The following STK38 variants were observed in gnomAD, a reference collection of about 807,000 sequenced individuals.
STK38 encodes serine/threonine-protein kinase 38.
Under a neutral mutation model 59.0 loss-of-function variants are expected in STK38, and 26 were observed. The observed-to-expected ratio is 0.44, with a 90% CI of 0.32 to 0.61. The LOEUF is 0.61. STK38 is among the 20% of genes least tolerant of loss of function. The pLI, the probability that STK38 is intolerant of heterozygous loss-of-function variation, is 0.04. For missense variants in STK38, 433 were observed against 566.0 expected (o/e 0.76, Z 2.38); for synonymous variants, 175 against 176.6 (o/e 0.99, Z 0.07).
chr6:36,545,924 T>C (rs369863501), intron 1 of STK38, among the ~76,000 whole-genome samples: 3 of 152,232 alleles, frequency 2.0e-5, no homozygotes, highest in Admixed American at 6.5e-5. Flanking sequence ...TCTATATGGT[T>C]ATGCCTGGCT....
chr6:36,535,058 G>C (rs548561738), intron 2 of STK38, among the ~76,000 whole-genome samples: 2 of 152,076 alleles, frequency 1.3e-5, no homozygotes, highest in Non-Finnish European at 2.9e-5. Flanking sequence ...ATAGCATCCA[G>C]AAAACCCCCA....
intron 6 of STK38, 44 bp from the exon 7 acceptor site, chr6:36,515,536 AC>A: frequency 5.6e-6 from 9 of 1,602,572 alleles, no homozygotes; most frequent in Non-Finnish European, 7.6e-6. Flanking sequence ...ACACACACAC[AC>A]ACACACACAC....
chr6:36,524,604 C>T, intron 3 of STK38, 141 bp from the exon 4 acceptor site: 4 of 805,300 alleles, frequency 5.0e-6, no homozygotes, highest in Non-Finnish European at 7.5e-6. Context: ...GAAATCACCC[C>T]AGAAGGATCC....
rs111250330 is a variant in STK38, at chr6:36,547,411, G to C, written c.-227C>G. The C allele has an allele frequency of 1.3e-5, 2 of 152,432 alleles. No individual in the cohort carries two copies. The highest frequency in any genetic ancestry group is 2.4e-5 in the African/African-American group (1 of 41,582). The allele number at this position is 152,432 out of a possible 1,614,324, so 9.4% of individuals were successfully genotyped here. ...GCCGGAAAAGACGCGAGCGCTGAGG[G>C]GCCAAGGCAGCCCGGTCCCCCGCCG... On this transcript the variant is annotated 5_prime_UTR_variant, in exon 1 of 14. Transcript: ENST00000229812.
In STK38 at chr6:36,515,354, A is replaced by G. The variant is rs1777223734; in HGVS notation, c.653T>C (p.Leu218Pro). Residue 218 changes from leucine to proline, a missense_variant, in exon 7 of 14, where the codon CTT (leucine) becomes CCT (proline). Transcript: ENST00000229812. ...CCCCAATACCTTGCTGTCCAAAAGAAGGTTGTCTGGTTTGATGTCTCTGTG... is the reference window on the plus strand; with the variant it reads ...CCCCAATACCTTGCTGTCCAAAAGAGGGTTGTCTGGTTTGATGTCTCTGTG... The part of the protein sequence containing the change: ...FIHRDIKPDN[L>P]LLDSKGHVKL... 3 of 1,614,098 alleles carry G rather than the reference A, an allele frequency of 1.9e-6. No individual in the cohort carries two copies. In the East Asian group the frequency reaches 6.7e-5, roughly 36 times the overall value.
chr6:36,540,260 T>G, intron 1 of STK38, 53 bp from the exon 2 acceptor site: 1 of 1,590,942 alleles, frequency 6.3e-7, no homozygotes, highest in Non-Finnish European at 8.6e-7. Context: ...ATCCACCCAG[T>G]GTGCACTCTC....
chr6:36,544,919 T>C (rs1170127328), intron 1 of STK38, among the ~76,000 whole-genome samples: 2 of 152,164 alleles, frequency 1.3e-5, no homozygotes, highest in Non-Finnish European at 2.9e-5. Flanking sequence ...TGCTAGTATT[T>C]AACCCTAAGG....
chr6:36,514,574 G>A (rs899161098), intron 7 of STK38, among the ~76,000 whole-genome samples: 1 of 152,052 alleles, frequency 6.6e-6, no homozygotes, highest in Non-Finnish European at 1.5e-5. Context: ...ATTTGCCAAG[G>A]GTTATCTAGC....
intron 7 of STK38, among the ~76,000 whole-genome samples, chr6:36,513,706 A>C (rs1289345726): frequency 1.3e-5 from 2 of 151,878 alleles, no homozygotes; most frequent in African/African-American, 4.8e-5. Flanking sequence ...CCACTTCTGC[A>C]CATTATAATG....
At chr6:36,527,362 T>G (rs934756064) in intron 2 of STK38, among the ~76,000 whole-genome samples, 1 of 139,010 alleles carries the variant, frequency 7.2e-6, no homozygotes, top group African/African-American at 2.9e-5. Context: ...TGTATATATA[T>G]TAGTACACAC....
In STK38 at chr6:36,532,941, G is replaced by A. The variant is rs145560767; in HGVS notation, c.131+7131C>T. Among the ~76,000 whole-genome samples, 34 of 151,524 alleles carry A rather than the reference G, an allele frequency of 2.2e-4. No individual in the cohort carries two copies. In the East Asian group the frequency reaches 3.7e-3, roughly 16 times the overall value. ...ACAAAAATTAGCCCGACATGGTGGCGTGCTCCTGTAATCCCAGCTACTCGG... is the reference window on the plus strand; with the variant it reads ...ACAAAAATTAGCCCGACATGGTGGCATGCTCCTGTAATCCCAGCTACTCGG... On this transcript the variant is annotated intron_variant, in intron 2 of 13. Coordinates refer to ENST00000229812, the MANE Select transcript of STK38 (RefSeq NM_007271.4).
intron 12 of STK38, among the ~76,000 whole-genome samples, chr6:36,497,263 T>C (rs1776726399): frequency 6.6e-6 from 1 of 152,250 alleles, no homozygotes; most frequent in South Asian, 2.1e-4. Flanking sequence ...TTCTATTTAA[T>C]AACCAATGAA....
At position 36,522,656 on chromosome 6, in the gene STK38, G is replaced by C. The variant is rs921989857; in HGVS notation, c.307-839C>G. Among the ~76,000 whole-genome samples the C allele has an allele frequency of 2.6e-5, 4 of 151,966 alleles. No homozygotes were observed. The East Asian group carries it at 7.7e-4, about 29-fold the overall frequency. The stretch of plus-strand genomic sequence containing the variant: ...TGGATCACCTGAGGTCCAGGAGTTC[G>C]AGACCAGCCTGGCCAACCTGGTGAA... On this transcript the variant is annotated intron_variant, in intron 4 of 13. Transcript: ENST00000229812.
In STK38 at chr6:36,498,329, C is replaced by T. The variant is rs202090329; in HGVS notation, c.1076+34G>A. 1.1e-5 allele frequency: 17 copies of T among 1,580,202 alleles called. No homozygotes were observed. The African/African-American group carries it at 1.9e-4, about 18-fold the overall frequency. On this transcript the variant is annotated intron_variant, in intron 11 of 13. Transcript: ENST00000229812. ...AAATGGAATCATTCATATTAAAAAG[C>T]TGAGAAAGAAGGTGGAGGGATGTTC... is the stretch of plus-strand genomic sequence containing the variant.
intron 12 of STK38, among the ~76,000 whole-genome samples, chr6:36,497,145 C>A (rs540929384): frequency 2.6e-5 from 4 of 152,142 alleles, no homozygotes; most frequent in Admixed American, 2.6e-4. Context: ...TAGGGCTCTG[C>A]CCTTCTTCCA....
intron 2 of STK38, among the ~76,000 whole-genome samples, chr6:36,529,468 A>G (rs991209721): frequency 2.0e-5 from 3 of 152,158 alleles, no homozygotes; most frequent in Admixed American, 6.5e-5. Flanking sequence ...GTTAACTAAC[A>G]CTCCAGCCCT....
intron 5 of STK38, 99 bp downstream of exon 5, chr6:36,521,635 G>GA: frequency 1.2e-6 from 1 of 836,376 alleles, no homozygotes; most frequent in Non-Finnish European, 1.7e-6. Flanking sequence ...CAGAGCTAAA[G>GA]AAAACTGTAA....
chr6:36,512,562 T>C (rs770531616), intron 7 of STK38, among the ~76,000 whole-genome samples: 4 of 152,232 alleles, frequency 2.6e-5, no homozygotes, highest in Non-Finnish European at 4.4e-5. Context: ...TATTTACTTT[T>C]AGGATGCCAA....
intron 2 of STK38, among the ~76,000 whole-genome samples, chr6:36,534,294 T>A (rs1777735451): frequency 6.6e-6 from 1 of 151,236 alleles, no homozygotes; most frequent in Non-Finnish European, 1.5e-5. Flanking sequence ...AAATAAAAAA[T>A]AATAATAAAA....
Sources: allele counts gnomAD v4.1 joint callset (sites outside exome capture counted in the v4.1 genomes callset), GRCh38; gene constraint gnomAD v4.1.1; transcripts MANE v1.5; gene names NCBI Gene and HGNC (gene_info 2026-07-23, HGNC 2026-07-21).